Variants in STK3 observed in about 807,000 individuals in gnomAD.
STK3 encodes serine/threonine-protein kinase 3.
In STK3, 41 loss-of-function variants were observed where a neutral mutation model predicts 58.0. That is an observed-to-expected ratio of 0.71 (90% CI 0.55 to 0.92). The LOEUF (loss-of-function observed/expected upper bound fraction) is 0.92. STK3 is among the 40% of genes least tolerant of loss of function. The pLI is 0.00. For missense variants in STK3, 479 were observed against 602.7 expected (o/e 0.79, Z 2.15); for synonymous variants, 170 against 191.0 (o/e 0.89, Z 0.91).
intron 1 of STK3, among the ~76,000 whole-genome samples, chr8:98,893,479 A>AG (rs1838307282): frequency 4.3e-5 from 3 of 69,744 alleles, no homozygotes; most frequent in African/African-American, 1.8e-4. Context: ...AGAAAGAAAG[A>AG]AAGAAAGAGA....
chr8:98,792,067 A>C (rs1405307876), intron 1 of STK3, among the ~76,000 whole-genome samples: 2 of 152,246 alleles, frequency 1.3e-5, no homozygotes, highest in East Asian at 3.8e-4. Context: ...TACATCTGAC[A>C]AAGGACTAAT....
chr8:98,650,512 A>G (rs534708198), intron 6 of STK3, among the ~76,000 whole-genome samples: 8 of 152,240 alleles, frequency 5.3e-5, no homozygotes, highest in African/African-American at 1.7e-4. Context: ...GCAGCGCACC[A>G]TGCGCGAGCC....
chr8:98,521,967 C>T lies in STK3; in HGVS notation c.1317+4775G>A, dbSNP rs139162241. Among the ~76,000 whole-genome samples, 18 of 152,280 alleles carry T rather than the reference C, an allele frequency of 1.2e-4. No individual in the cohort carries two copies. In the East Asian group the frequency reaches 3.1e-3, roughly 26 times the overall value. On this transcript the variant is annotated intron_variant, in intron 10 of 10. Coordinates refer to ENST00000419617, the MANE Select transcript of STK3 (RefSeq NM_006281.4). ...CAATTTACCACTTCATTAACTCATA[C>T]CTTGTCCTCTTAATAAATCAGTATA...
chr8:98,385,271 G>A (rs1359345503), intron 1 of STK3, among the ~76,000 whole-genome samples: 2 of 151,934 alleles, frequency 1.3e-5, no homozygotes, highest in East Asian at 1.9e-4. Flanking sequence ...GGGGGAGGTC[G>A]TGCAATTCAA....
chr8:98,803,826 A>G (rs1833744194), intron 1 of STK3, among the ~76,000 whole-genome samples: 1 of 152,148 alleles, frequency 6.6e-6, no homozygotes, highest in Non-Finnish European at 1.5e-5. Flanking sequence ...ATTTGTAGAC[A>G]ATAAGTTACC....
At chr8:98,601,704 G>A (rs932045684) in intron 6 of STK3, 2 of 152,224 alleles carry the variant, frequency 1.3e-5, no homozygotes, top group Admixed American at 1.3e-4. Flanking sequence ...GGGAAGATGA[G>A]ATTTCAGCTG....
intron 6 of STK3, among the ~76,000 whole-genome samples, chr8:98,698,551 C>T (rs1393176627): frequency 6.6e-6 from 1 of 152,170 alleles, no homozygotes; most frequent in African/African-American, 2.4e-5. Context: ...TCTTTTAGGG[C>T]AGGCCTGGTG....
chr8:98,620,234 C>T (rs968634384), intron 6 of STK3, among the ~76,000 whole-genome samples: 9 of 110,378 alleles, frequency 8.2e-5, no homozygotes, highest in Middle Eastern at 8.1e-3. Context: ...CCAAACACCG[C>T]ATATTCTCAC....
chr8:98,550,160 G>C (rs1330713954), intron 8 of STK3, among the ~76,000 whole-genome samples: 3 of 151,892 alleles, frequency 2.0e-5, no homozygotes, highest in Non-Finnish European at 4.4e-5. Flanking sequence ...TCAATGTTGA[G>C]TTTCAGCAAC....
intron 4 of STK3, among the ~76,000 whole-genome samples, chr8:98,735,146 C>T (rs1347657091): frequency 6.6e-6 from 1 of 151,978 alleles, no homozygotes; most frequent in Non-Finnish European, 1.5e-5. Flanking sequence ...AAATATAACA[C>T]TGAATAAAGA....
intron 10 of STK3, among the ~76,000 whole-genome samples, chr8:98,467,979 TAGTTTTAAAATG>T (rs1820614943): frequency 6.6e-6 from 1 of 152,196 alleles, no homozygotes; most frequent in South Asian, 2.1e-4. Context: ...ATCTATAAAG[TAGTTTTAAAATG>T]AAAGAGGTTA....
At chr8:98,817,486 T>A (rs560574807) in intron 1 of STK3, among the ~76,000 whole-genome samples, 31 of 150,900 alleles carry the variant, frequency 2.1e-4, no homozygotes, top group Middle Eastern at 3.4e-3. Flanking sequence ...TCAGTGTGCA[T>A]CATTTCCTCC....
At chr8:98,672,178 C>T (rs1398427939) in intron 6 of STK3, among the ~76,000 whole-genome samples, 4 of 152,036 alleles carry the variant, frequency 2.6e-5, no homozygotes, top group African/African-American at 9.7e-5. Flanking sequence ...AACTCCTGGG[C>T]TCAAGTGATC....
chr8:98,489,212 T>A (rs545068970), intron 10 of STK3, among the ~76,000 whole-genome samples: 98 of 152,174 alleles, frequency 6.4e-4, no homozygotes, highest in Non-Finnish European at 1.1e-3. Flanking sequence ...ACATAATCTG[T>A]CATGGAACTA....
the STK3 span, among the ~76,000 whole-genome samples, chr8:98,354,803 A>C: frequency 6.6e-6 from 1 of 152,136 alleles, no homozygotes; most frequent in Non-Finnish European, 1.5e-5. Context: ...TTTGAGACGA[A>C]GTCTGGCTCT....
chr8:98,775,675 A>G (rs1831631933), intron 1 of STK3, among the ~76,000 whole-genome samples: 1 of 152,254 alleles, frequency 6.6e-6, no homozygotes, highest in Non-Finnish European at 1.5e-5. Flanking sequence ...ACAAAAGAGC[A>G]TGGTGTTGGA....
At chr8:98,641,161 G>C (rs1393576155) in intron 6 of STK3, among the ~76,000 whole-genome samples, 1 of 152,028 alleles carries the variant, frequency 6.6e-6, no homozygotes, top group Non-Finnish European at 1.5e-5. Flanking sequence ...AACATACAAT[G>C]TTTAAGGATT....
At chr8:98,355,573 G>T in the STK3 span, among the ~76,000 whole-genome samples, 1 of 152,214 alleles carries the variant, frequency 6.6e-6, no homozygotes, top group African/African-American at 2.4e-5. Context: ...GAGAAGAAGT[G>T]CAGGAACTGG....
intron 1 of STK3, among the ~76,000 whole-genome samples, chr8:98,805,385 G>T (rs1833833432): frequency 6.6e-6 from 1 of 152,094 alleles, no homozygotes; most frequent in African/African-American, 2.4e-5. Flanking sequence ...TTCCAGCCTG[G>T]CCAAAATGGT....
Sources: allele counts gnomAD v4.1 joint callset (sites outside exome capture counted in the v4.1 genomes callset), GRCh38; gene constraint gnomAD v4.1.1; transcripts MANE v1.5; gene names NCBI Gene and HGNC (gene_info 2026-07-23, HGNC 2026-07-21).